ZNF267: variants seen among roughly 807,000 people sequenced by gnomAD.
ZNF267 encodes the protein zinc finger protein 267.
In ZNF267, 61 loss-of-function variants were observed where a neutral mutation model predicts 71.6. The ratio of observed to expected loss-of-function variants is 0.85; its 90% confidence interval spans 0.69 to 1.05. The LOEUF (loss-of-function observed/expected upper bound fraction) is 1.05. ZNF267 is among the 50% of genes least tolerant of loss of function. ZNF267 has a pLI of 0.00. For missense variants in ZNF267, 852 were observed against 870.0 expected (o/e 0.98, Z 0.26); for synonymous variants, 288 against 293.2 (o/e 0.98, Z 0.18).
intron 3 of ZNF267, among the ~76,000 whole-genome samples, chr16:31,892,515 C>T (rs2083967400): frequency 6.6e-6 from 1 of 152,214 alleles, no homozygotes; most frequent in African/African-American, 2.4e-5. Context: ...TCAGCATTAA[C>T]TCAAATGTCC....
chr16:31,875,195 A>G (rs1173224169), intron 1 of ZNF267: 1 of 1,288,982 alleles, frequency 7.8e-7, no homozygotes, highest in Non-Finnish European at 1.0e-6. Context: ...CCTGTTCCTG[A>G]ATTTCAGAAC....
At chr16:31,884,085 G>A (rs916778349) in intron 1 of ZNF267, among the ~76,000 whole-genome samples, 5 of 152,166 alleles carry the variant, frequency 3.3e-5, no homozygotes, top group Non-Finnish European at 7.3e-5. Context: ...TCAAAATCTA[G>A]ATCTCCTGAA....
chr16:31,894,510 A>G (rs1174530000), intron 3 of ZNF267: 1 of 499,612 alleles, frequency 2.0e-6, no homozygotes, highest in African/African-American at 2.0e-5. Context: ...TGTGTGTGAC[A>G]CCTAATTCTT....
At chr16:31,903,059 C>T (rs1036129517) in intron 3 of ZNF267, among the ~76,000 whole-genome samples, 6 of 152,118 alleles carry the variant, frequency 3.9e-5, no homozygotes, top group African/African-American at 1.4e-4. Context: ...TGGTTTTTGT[C>T]TTTGGTTCTG....
chr16:31,876,688 C>A (rs137967115), intron 1 of ZNF267, among the ~76,000 whole-genome samples: 17 of 152,360 alleles, frequency 1.1e-4, no homozygotes, highest in East Asian at 5.8e-4. Flanking sequence ...AGGCGTTTCA[C>A]TTTCCTTTAT....
intron 3 of ZNF267, among the ~76,000 whole-genome samples, chr16:31,902,613 A>G (rs1216590088): frequency 9.9e-4 from 150 of 152,104 alleles, no homozygotes; most frequent in East Asian, 2.3e-3. Context: ...TGGTGTATAA[A>G]AATGCTTGTG....
At chr16:31,888,108 A>T (rs1283037518) in intron 3 of ZNF267, among the ~76,000 whole-genome samples, 1 of 151,840 alleles carries the variant, frequency 6.6e-6, no homozygotes, top group Non-Finnish European at 1.5e-5. Flanking sequence ...AAGTTATAAA[A>T]TTTAAAAAAA....
chr16:31,876,695 TTATTC>T lies in ZNF267; in HGVS notation c.3+2730_3+2734del, dbSNP rs1596612234. On this transcript the variant is annotated intron_variant, in intron 1 of 3. Transcript: ENST00000300870. ...AATTATAAAGGCGTTTCACTTTCCT[TTATTC>T]TATAAACACTGTTTGAGTAGTTTTG... Among the ~76,000 whole-genome samples, 2 of 152,248 alleles carry T rather than the reference TTATTC, an allele frequency of 1.3e-5. 1 individual carries two copies. Among genetic ancestry groups the T allele is most frequent in the East Asian group, 3.8e-4 (2 of 5,200 alleles).
At chr16:31,876,327 C>T (rs1364233341) in intron 1 of ZNF267, among the ~76,000 whole-genome samples, 1 of 152,186 alleles carries the variant, frequency 6.6e-6, no homozygotes, top group African/African-American at 2.4e-5. Context: ...ATCCTCCCAC[C>T]TCAGCCTTCC....
chr16:31,916,417 A>G lies in ZNF267; in HGVS notation c.2168A>G (p.Lys723Arg), dbSNP rs766338485. 1.9e-6 allele frequency: 3 copies of G among 1,614,164 alleles called. No homozygotes were observed. The highest frequency in any genetic ancestry group is 4.5e-5 in the East Asian group (2 of 44,876). Reference protein sequence around the residue: ...ERPYKCEECGKAFNSRSYLIA... With the variant: ...ERPYKCEECGRAFNSRSYLIA... ...CCCTACAAATGTGAAGAATGTGGCA[A>G]AGCCTTTAACTCTAGGTCATACCTC... The change falls in exon 4 of 4, where the codon AAA (lysine) becomes AGA (arginine). Residue 723 changes from lysine to arginine, a missense_variant. Coordinates refer to ENST00000300870, the MANE Select transcript of ZNF267 (RefSeq NM_003414.6).
intron 3 of ZNF267, among the ~76,000 whole-genome samples, chr16:31,909,427 C>G (rs1420646741): frequency 6.6e-6 from 1 of 152,084 alleles, no homozygotes; most frequent in East Asian, 1.9e-4. Flanking sequence ...GCCACTGCAC[C>G]CAGCCATCCT....
chr16:31,885,134 G>A, intron 2 of ZNF267, 27 bp from the exon 3 acceptor site: 1 of 1,560,446 alleles, frequency 6.4e-7, no homozygotes, highest in Non-Finnish European at 8.7e-7. Flanking sequence ...CTCATTAAGA[G>A]TCATGTGAAT....
intron 1 of ZNF267, chr16:31,875,293 AC>A (rs899259626): frequency 7.8e-7 from 1 of 1,289,226 alleles, no homozygotes. Flanking sequence ...CTGTTAGAGG[AC>A]CGCCCAAGGT....
intron 3 of ZNF267, chr16:31,894,396 G>A (rs3843960): frequency 0.93 from 366,045 of 392,928 alleles, 172,653 homozygotes; most frequent in East Asian, 1. Flanking sequence ...ATCTCTTTCC[G>A]TTCATGTTTG....
chr16:31,910,114 TG>T (rs2084124821), intron 3 of ZNF267, among the ~76,000 whole-genome samples: 1 of 152,230 alleles, frequency 6.6e-6, no homozygotes. Flanking sequence ...AATCCCACTT[TG>T]TCATAATGAA....
intron 3 of ZNF267, among the ~76,000 whole-genome samples, chr16:31,892,348 A>G (rs2083965940): frequency 6.6e-6 from 1 of 152,180 alleles, no homozygotes; most frequent in Non-Finnish European, 1.5e-5. Flanking sequence ...ACCTCCGACC[A>G]GGTCCCTCCC....
At chr16:31,905,195 C>G (rs2084078255) in intron 3 of ZNF267, among the ~76,000 whole-genome samples, 2 of 152,170 alleles carry the variant, frequency 1.3e-5, no homozygotes, top group Admixed American at 6.5e-5. Context: ...GTAACCTGAC[C>G]TTTCTCTCTG....
intron 3 of ZNF267, among the ~76,000 whole-genome samples, chr16:31,893,386 C>T (rs1485649554): frequency 6.6e-6 from 1 of 152,250 alleles, no homozygotes; most frequent in Non-Finnish European, 1.5e-5. Context: ...TTCTGACATG[C>T]CCTGGAGACA....
chr16:31,882,719 C>T (rs759360861), intron 1 of ZNF267, among the ~76,000 whole-genome samples: 1 of 152,128 alleles, frequency 6.6e-6, no homozygotes, highest in Non-Finnish European at 1.5e-5. Flanking sequence ...TTTACTGTTC[C>T]CCTCCGCCCA....
Sources: gnomAD v4.1 joint callset for allele counts (sites outside exome capture counted in the v4.1 genomes callset) on GRCh38, gnomAD v4.1.1 for gene constraint, MANE v1.5 for transcripts, NCBI Gene and HGNC (gene_info 2026-07-23, HGNC 2026-07-21) for gene names.